Variants in EYA4 observed in about 807,000 individuals in gnomAD.
EYA4 encodes the protein protein phosphatase EYA4.
A neutral mutation model predicts 87.9 loss-of-function variants in EYA4; 31 were observed. The observed-to-expected ratio is 0.35, with a 90% CI of 0.27 to 0.48. The LOEUF is 0.48. Among genes scored for constraint, EYA4 ranks in the 20% least tolerant of loss-of-function variants. EYA4 has a pLI of 0.99. For missense variants in EYA4, 678 were observed against 761.4 expected, an observed-to-expected ratio of 0.89 and a Z score of 1.29; for synonymous variants, 263 against 270.6, an observed-to-expected ratio of 0.97 and a Z score of 0.28.
chr6:133,528,876 C>T lies in EYA4; in HGVS notation c.*71C>T. 1 of 1,609,460 alleles carries T rather than the reference C, an allele frequency of 6.2e-7. No individual in the cohort carries two copies. The highest frequency in any genetic ancestry group is 8.5e-7 in the Non-Finnish European group (1 of 1,177,090). ...TGAATTTTTATGTGTGATTCAATGC[C>T]TCTGGCTCTACACATATAAATTGTC... is the stretch of plus-strand genomic sequence containing the variant. On this transcript the variant is annotated 3_prime_UTR_variant, in exon 20 of 20. Coordinates refer to ENST00000355286, the MANE Select transcript of EYA4 (RefSeq NM_004100.5).
intron 3 of EYA4, among the ~76,000 whole-genome samples, chr6:133,387,936 T>C (rs1206202433): frequency 6.6e-6 from 1 of 152,158 alleles, no homozygotes; most frequent in East Asian, 1.9e-4. Flanking sequence ...CCTGCAGATA[T>C]GGATGCAGAT....
intron 3 of EYA4, among the ~76,000 whole-genome samples, chr6:133,383,812 A>T (rs1786465885): frequency 6.6e-6 from 1 of 152,180 alleles, no homozygotes; most frequent in Non-Finnish European, 1.5e-5. Flanking sequence ...TTATTGGAGC[A>T]TTAGGAAATG....
intron 1 of EYA4, among the ~76,000 whole-genome samples, chr6:133,249,964 C>T (rs1191351132): frequency 6.6e-6 from 1 of 152,178 alleles, no homozygotes; most frequent in Non-Finnish European, 1.5e-5. Flanking sequence ...CAGTGCACTG[C>T]TGGACATATA....
chr6:133,296,468 G>A, intron 2 of EYA4, among the ~76,000 whole-genome samples: 1 of 152,088 alleles, frequency 6.6e-6, no homozygotes, highest in East Asian at 1.9e-4. Context: ...TGAGATGATG[G>A]TGGTGGCTTG....
At chr6:133,256,459 A>G (rs1034654250) in intron 1 of EYA4, among the ~76,000 whole-genome samples, 5 of 152,072 alleles carry the variant, frequency 3.3e-5, no homozygotes, top group Admixed American at 6.6e-5. Context: ...GTAAGAGCCT[A>G]CTCTGTGCCA....
intron 1 of EYA4, chr6:133,247,567 C>T (rs773487284): frequency 5.3e-5 from 8 of 152,178 alleles, no homozygotes; most frequent in Non-Finnish European, 1.2e-4. Context: ...ATCTGGTTAT[C>T]GCATGTGTAA....
At chr6:133,379,115 T>C (rs528536173) in intron 2 of EYA4, among the ~76,000 whole-genome samples, 4 of 152,076 alleles carry the variant, frequency 2.6e-5, no homozygotes, top group Non-Finnish European at 4.4e-5. Flanking sequence ...TCAAAACACA[T>C]TCAGAAGTAA....
intron 2 of EYA4, among the ~76,000 whole-genome samples, chr6:133,307,879 C>T (rs1309135479): frequency 6.6e-6 from 1 of 152,084 alleles, no homozygotes; most frequent in African/African-American, 2.4e-5. Context: ...TCTTGAATTG[C>T]AGCTCCCTCC....
intron 17 of EYA4, among the ~76,000 whole-genome samples, chr6:133,516,356 A>C (rs1319788733): frequency 6.6e-6 from 1 of 152,054 alleles, no homozygotes; most frequent in Non-Finnish European, 1.5e-5. Flanking sequence ...GCAAACATGC[A>C]CATGTATCCC....
chr6:133,520,222 A>T (rs933784765), intron 17 of EYA4, among the ~76,000 whole-genome samples: 2 of 151,288 alleles, frequency 1.3e-5, no homozygotes, highest in South Asian at 2.1e-4. Flanking sequence ...ACATGATTGT[A>T]TATCTAGAAA....
intron 2 of EYA4, among the ~76,000 whole-genome samples, chr6:133,322,329 C>A (rs1781156194): frequency 6.6e-6 from 1 of 152,086 alleles, no homozygotes; most frequent in African/African-American, 2.4e-5. Context: ...AAAGGACTAT[C>A]CTCTTTAAAT....
rs148033081 is a variant in EYA4, at chr6:133,390,577, C to T, written c.83+8136C>T. Among the ~76,000 whole-genome samples the T allele has an allele frequency of 3.9e-3, 587 of 152,278 alleles. 4 individuals are homozygous for T. Among genetic ancestry groups the T allele is most frequent in the African/African-American group, 0.013 (548 of 41,556 alleles). The stretch of plus-strand genomic sequence containing the variant: ...TGCTTGAGTCTCATTTTGTATTCTA[C>T]CTATCGTTCCAAACTGACATAGCAG... On this transcript the variant is annotated intron_variant, in intron 3 of 19. Transcript: ENST00000355286.
intron 13 of EYA4, among the ~76,000 whole-genome samples, chr6:133,493,732 C>A (rs1260500278): frequency 6.6e-6 from 1 of 152,008 alleles, no homozygotes; most frequent in Non-Finnish European, 1.5e-5. Flanking sequence ...ACAAGGAGCT[C>A]AACTCAATAG....
Position 133,332,725 on chromosome 6 carries a change from T to C in EYA4, c.34-49667T>C, listed in dbSNP as rs545169955. Among the ~76,000 whole-genome samples, 88 of 149,650 alleles carry C rather than the reference T, an allele frequency of 5.9e-4. No homozygotes were observed. In the Middle Eastern group the frequency reaches 0.014, roughly 23 times the overall value. On this transcript the variant is annotated intron_variant, in intron 2 of 19. Coordinates refer to ENST00000355286, the MANE Select transcript of EYA4 (RefSeq NM_004100.5). The stretch of plus-strand genomic sequence containing the variant: ...CGCCCAGCTAAATTTTTTTTTTTTT[T>C]TTTTTTTTTTTGTATTTTAGCAGAG...
At chr6:133,263,948 C>G (rs576677434) in intron 1 of EYA4, among the ~76,000 whole-genome samples, 1 of 152,308 alleles carries the variant, frequency 6.6e-6, no homozygotes, top group South Asian at 2.1e-4. Context: ...TTGGCAGCTG[C>G]AATTTTTAAA....
chr6:133,321,328 A>G (rs1781073999), intron 2 of EYA4, among the ~76,000 whole-genome samples: 1 of 152,108 alleles, frequency 6.6e-6, no homozygotes, highest in African/African-American at 2.4e-5. Flanking sequence ...TATATCTCCA[A>G]ATAGGGTTGC....
intron 2 of EYA4, among the ~76,000 whole-genome samples, chr6:133,369,420 C>G (rs894546791): frequency 1.3e-5 from 2 of 151,954 alleles, no homozygotes; most frequent in African/African-American, 2.4e-5. Context: ...AAAATGTTAA[C>G]ATCTGTGTGA....
intron 2 of EYA4, among the ~76,000 whole-genome samples, chr6:133,329,691 G>C (rs539831335): frequency 6.6e-6 from 1 of 152,160 alleles, no homozygotes; most frequent in Non-Finnish European, 1.5e-5. Context: ...GAAATATAAT[G>C]GTGCTTGGTG....
intron 5 of EYA4, chr6:133,453,136 C>T (rs1793605500): frequency 6.6e-6 from 1 of 151,948 alleles, no homozygotes; most frequent in South Asian, 2.1e-4. Flanking sequence ...AAGGAATAGG[C>T]ACTGATAATT....
Sources: allele counts gnomAD v4.1 joint callset (sites outside exome capture counted in the v4.1 genomes callset), GRCh38; gene constraint gnomAD v4.1.1; transcripts MANE v1.5; gene names NCBI Gene and HGNC (gene_info 2026-07-23, HGNC 2026-07-21).